PGGT1B: variants seen among roughly 807,000 people sequenced by gnomAD.
PGGT1B encodes the protein protein geranylgeranyltransferase type I subunit beta, also known as geranylgeranyl transferase type-1 subunit beta.
Under a neutral mutation model 46.1 loss-of-function variants are expected in PGGT1B, and 30 were observed. The observed-to-expected ratio is 0.65, with a 90% CI of 0.49 to 0.88. The LOEUF (loss-of-function observed/expected upper bound fraction) is 0.88, where lower values mean the gene tolerates loss of function less well. Ranked by LOEUF, PGGT1B falls within the 40% of genes least tolerant of loss-of-function variation. The pLI is 0.00. For missense variants in PGGT1B, 376 were observed against 455.9 expected, an observed-to-expected ratio of 0.82 and a Z score of 1.60; for synonymous variants, 170 against 160.0, an observed-to-expected ratio of 1.06 and a Z score of -0.47.
At chr5:115,216,825 G>A (rs754749568) in intron 8 of PGGT1B, 40 bp downstream of exon 8, 1 of 973,594 alleles carries the variant, frequency 1.0e-6, no homozygotes, top group Non-Finnish European at 1.7e-6. Context: ...GATCTATTCA[G>A]GAAATAAAGG....
At chr5:115,226,700 T>C (rs1000983171) in intron 6 of PGGT1B, among the ~76,000 whole-genome samples, 5 of 152,012 alleles carry the variant, frequency 3.3e-5, no homozygotes, top group Admixed American at 6.6e-5. Flanking sequence ...AAATAGTACA[T>C]TGTACAAGGG....
chr5:115,227,710 T>C (rs953678108), intron 6 of PGGT1B, among the ~76,000 whole-genome samples: 4 of 152,158 alleles, frequency 2.6e-5, no homozygotes, highest in African/African-American at 9.6e-5. Context: ...TCTTCCACAC[T>C]TGTGTATAAA....
In PGGT1B at chr5:115,216,883, A is replaced by C. The variant is rs1756436357; in HGVS notation, c.934T>G (p.Trp312Gly). The change falls in exon 8 of 9, where the codon TGG becomes GGG. Residue 312 changes from tryptophan (W) to glycine (G), a missense_variant. By Grantham distance (184) the Trp-to-Gly change is radical (BLOSUM62 -2). Coordinates refer to ENST00000419445, the MANE Select transcript of PGGT1B (RefSeq NM_005023.4). ...QDRLVGGFAK[W>G]PDSHPDALHA... ...TAATTACCTGGATGACTGTCTGGCCACTTGGCAAATCCCCCTACAAGGCGA... is the reference window on the plus strand; with the variant it reads ...TAATTACCTGGATGACTGTCTGGCCCCTTGGCAAATCCCCCTACAAGGCGA... 1.3e-6 allele frequency: 2 copies of C among 1,568,114 alleles called. No homozygotes were observed. The highest frequency in any genetic ancestry group is 8.8e-7 in the Non-Finnish European group (1 of 1,140,380).
At chr5:115,262,569 C>T in intron 1 of PGGT1B, 143 bp downstream of exon 1, 1 of 914,534 alleles carries the variant, frequency 1.1e-6, no homozygotes, top group Non-Finnish European at 1.7e-6. Context: ...TGGGGGTAAC[C>T]TCAAGCCCAC....
chr5:115,219,005 C>G (rs1756508779), intron 7 of PGGT1B, among the ~76,000 whole-genome samples: 1 of 151,848 alleles, frequency 6.6e-6, no homozygotes, highest in African/African-American at 2.4e-5. Context: ...GAACACTCAA[C>G]AGTGTCAAGA....
Position 115,230,968 on chromosome 5 carries a change from T to C in PGGT1B, c.658+8A>G, listed in dbSNP as rs377386762. ...AAACTACATGTTCACTTATTTAAGA[T>C]GTCTTACCATGAGATTCAAGTCCAG... On this transcript the variant is annotated splice_region_variant and intron_variant, in intron 6 of 8. Coordinates refer to ENST00000419445, the MANE Select transcript of PGGT1B (RefSeq NM_005023.4). The C allele has an allele frequency of 1.3e-6, 2 of 1,539,384 alleles. No homozygotes were observed. Among genetic ancestry groups the C allele is most frequent in the Non-Finnish European group, 1.8e-6 (2 of 1,120,314 alleles).
At chr5:115,216,802 A>T in intron 8 of PGGT1B, 63 bp downstream of exon 8, 1 of 824,540 alleles carries the variant, frequency 1.2e-6, no homozygotes, top group Non-Finnish European at 2.1e-6. Context: ...CTTTTCTGAT[A>T]AAGATGCTTG....
intron 7 of PGGT1B, among the ~76,000 whole-genome samples, chr5:115,218,083 T>C (rs999343469): frequency 1.3e-4 from 19 of 151,714 alleles, no homozygotes; most frequent in African/African-American, 4.6e-4. Flanking sequence ...TTATATAGCA[T>C]TGGAAGGTAG....
intron 1 of PGGT1B, among the ~76,000 whole-genome samples, chr5:115,259,066 C>T (rs1748442721): frequency 6.6e-6 from 1 of 152,184 alleles, no homozygotes; most frequent in Admixed American, 6.5e-5. Context: ...CAGGAGTATT[C>T]ATCTAAAAAT....
intron 7 of PGGT1B, among the ~76,000 whole-genome samples, chr5:115,220,197 C>G (rs1362709771): frequency 6.6e-6 from 1 of 151,698 alleles, no homozygotes; most frequent in East Asian, 1.9e-4. Context: ...GAAAACAACG[C>G]AAGTGACTAT....
intron 2 of PGGT1B, among the ~76,000 whole-genome samples, chr5:115,242,923 T>C (rs1288582232): frequency 1.3e-5 from 2 of 151,734 alleles, no homozygotes; most frequent in East Asian, 3.9e-4. Flanking sequence ...GCCAAAATCG[T>C]GCCACTGCAC....
intron 3 of PGGT1B, among the ~76,000 whole-genome samples, chr5:115,240,337 A>G (rs1757311140): frequency 6.6e-6 from 1 of 152,196 alleles, no homozygotes; most frequent in African/African-American, 2.4e-5. Flanking sequence ...AATGTTATTA[A>G]AGCACTGTAA....
chr5:115,233,263 G>C, intron 5 of PGGT1B, among the ~76,000 whole-genome samples: 1 of 151,588 alleles, frequency 6.6e-6, no homozygotes, highest in East Asian at 1.9e-4. Context: ...GAAATTAAAA[G>C]CTAAAAACAG....
At chr5:115,249,552 G>C (rs1747997193) in intron 2 of PGGT1B, among the ~76,000 whole-genome samples, 1 of 152,094 alleles carries the variant, frequency 6.6e-6, no homozygotes, top group African/African-American at 2.4e-5. Context: ...AGTCAGGGTA[G>C]ATCAGAATGA....
At position 115,262,780 on chromosome 5, in the gene PGGT1B, C is replaced by T. The variant is rs2127041508; in HGVS notation, c.72G>A (p.Arg24=). The change falls in exon 1 of 9, where the codon CGG becomes CGA. Residue 24 remains arginine, a synonymous_variant. Transcript: ENST00000419445. ...EGERLDFLRD[R]HVRFFQRCLQ... is the part of the protein sequence containing the mutation. The stretch of plus-strand genomic sequence containing the variant: ...GGCAGCGCTGGAAAAATCGCACGTG[C>T]CGATCCCGTAAGAAATCCAGCCGCT... 6.2e-7 allele frequency: 1 copy of T among 1,613,484 alleles called. No homozygotes were observed. The highest frequency in any genetic ancestry group is 8.5e-7 in the Non-Finnish European group (1 of 1,179,822).
In PGGT1B at chr5:115,212,294, T is replaced by C; in HGVS notation, c.*108A>G. ...AAAGTGAAATCAGCAGGAGATTTGA[T>C]TGTAAGACTCTACCTTTTAAAAAAA... On this transcript the variant is annotated 3_prime_UTR_variant, in exon 9 of 9. Coordinates refer to ENST00000419445, the MANE Select transcript of PGGT1B (RefSeq NM_005023.4). 1 of 1,539,790 alleles carries C rather than the reference T, an allele frequency of 6.5e-7. No homozygotes were observed.
chr5:115,212,496 C>A lies in PGGT1B; in HGVS notation c.1040G>T (p.Ser347Ile). The change falls in exon 9 of 9, where the codon AGC becomes ATC. Residue 347 changes from serine to isoleucine, a missense_variant. Coordinates refer to ENST00000419445, the MANE Select transcript of PGGT1B (RefSeq NM_005023.4). Reference sequence around the variant, plus strand: ...TAGAAGGCGTTCAGAAGTCCGTGTGCTTACATTCAGAGCAGGATGAACTTT... The same window carrying A: ...TAGAAGGCGTTCAGAAGTCCGTGTGATTACATTCAGAGCAGGATGAACTTT... ...ICKVHPALNV[S>I]TRTSERLLDL... 1 of 1,613,436 alleles carries A rather than the reference C, an allele frequency of 6.2e-7. No individual in the cohort carries two copies. The highest frequency in any genetic ancestry group is 8.5e-7 in the Non-Finnish European group (1 of 1,179,582).
chr5:115,243,174 T>C (rs1303076053), intron 2 of PGGT1B, among the ~76,000 whole-genome samples: 1 of 152,172 alleles, frequency 6.6e-6, no homozygotes, highest in Non-Finnish European at 1.5e-5. Context: ...TGCCAATATA[T>C]AACAGAAGTT....
At position 115,261,517 on chromosome 5, in the gene PGGT1B, T is replaced by A. The variant is rs188832834; in HGVS notation, c.140+1195A>T. On this transcript the variant is annotated intron_variant, in intron 1 of 8. Coordinates refer to ENST00000419445, the MANE Select transcript of PGGT1B (RefSeq NM_005023.4). ...AATGTGGTGGCTACTACCAAAAGAA[T>A]CACTTAATTTTTAATTTGATTTAAT... Among the ~76,000 whole-genome samples, 7 of 152,300 alleles carry A rather than the reference T, an allele frequency of 4.6e-5. No homozygotes were observed. In the East Asian group the frequency reaches 9.6e-4, roughly 21 times the overall value.
Sources: allele counts gnomAD v4.1 joint callset (sites outside exome capture counted in the v4.1 genomes callset), GRCh38; gene constraint gnomAD v4.1.1; transcripts MANE v1.5; gene names NCBI Gene and HGNC (gene_info 2026-07-23, HGNC 2026-07-21).